Variants in EXOC4 observed in about 807,000 individuals in gnomAD.
EXOC4 encodes the protein exocyst complex component 4.
In EXOC4, 71 loss-of-function variants were observed where a neutral mutation model predicts 107.2. The observed-to-expected ratio is 0.66, with a 90% CI of 0.55 to 0.81. The LOEUF is 0.81. Among genes scored for constraint, EXOC4 ranks in the 30% least tolerant of loss-of-function variants. The pLI, the probability that EXOC4 is intolerant of heterozygous loss-of-function variation, is 0.00. For synonymous variants in EXOC4, 456 were observed against 441.2 expected (o/e 1.03, Z -0.42); for missense variants, 1,108 against 1,189.6 (o/e 0.93, Z 1.01).
chr7:133,833,361 A>AT (rs1471162884), intron 11 of EXOC4, among the ~76,000 whole-genome samples: 3 of 152,126 alleles, frequency 2.0e-5, no homozygotes, highest in African/African-American at 7.2e-5. Context: ...GCAACAAGTC[A>AT]TTTTTTTCTG....
chr7:133,507,827 C>T (rs775787219), intron 9 of EXOC4, among the ~76,000 whole-genome samples: 6 of 152,026 alleles, frequency 3.9e-5, no homozygotes, highest in Non-Finnish European at 7.4e-5. Flanking sequence ...TTTGGGAGGC[C>T]GAGGCAGGTG....
chr7:133,898,604 G>A (rs1055122953), intron 12 of EXOC4, among the ~76,000 whole-genome samples: 2 of 151,782 alleles, frequency 1.3e-5, no homozygotes, highest in African/African-American at 4.8e-5. Flanking sequence ...AAAATTAGCC[G>A]GGCGTGGTGG....
chr7:133,740,925 A>T (rs750213884), intron 10 of EXOC4, among the ~76,000 whole-genome samples: 1 of 152,296 alleles, frequency 6.6e-6, no homozygotes, highest in African/African-American at 2.4e-5. Context: ...TATAATAGCT[A>T]GAGTGGTTTC....
chr7:133,881,683 C>T (rs1798969664), intron 11 of EXOC4, among the ~76,000 whole-genome samples: 1 of 152,100 alleles, frequency 6.6e-6, no homozygotes. Context: ...AGAGAAGGTA[C>T]TTACTTATTT....
At chr7:133,304,332 A>G (rs1794705491) in intron 3 of EXOC4, among the ~76,000 whole-genome samples, 1 of 152,110 alleles carries the variant, frequency 6.6e-6, no homozygotes, top group South Asian at 2.1e-4. Flanking sequence ...TCATTTTGTG[A>G]GGCTGCCTTT....
At chr7:133,488,061 TTTA>T (rs1799303748) in intron 9 of EXOC4, among the ~76,000 whole-genome samples, 1 of 152,170 alleles carries the variant, frequency 6.6e-6, no homozygotes. Flanking sequence ...AAATAATGAA[TTTA>T]TTATTGTCCC....
chr7:133,562,433 G>GT lies in EXOC4; in HGVS notation c.1418-67610dup, dbSNP rs150413570. On this transcript the variant is annotated intron_variant, in intron 9 of 17. Coordinates refer to ENST00000253861, the MANE Select transcript of EXOC4 (RefSeq NM_021807.4). ...CTGACCTTGCCGCCTTTTGCTTCCG[G>GT]TTAGTGTGGTTCTCTCAATCCCATT... Among the ~76,000 whole-genome samples the GT allele has an allele frequency of 3.0e-3, 458 of 152,238 alleles. 16 individuals carry two copies. The East Asian group carries it at 0.077, about 26-fold the overall frequency.
chr7:133,830,498 T>C (rs1797787044), intron 11 of EXOC4, among the ~76,000 whole-genome samples: 1 of 152,194 alleles, frequency 6.6e-6, no homozygotes, highest in South Asian at 2.1e-4. Flanking sequence ...AAAATGAAAA[T>C]TGCCAACAGC....
At chr7:134,068,786 G>A (rs112022432), downstream of EXOC4, among the ~76,000 whole-genome samples, 4,562 of 152,206 alleles carry the variant, frequency 0.03, 196 homozygotes, top group African/African-American at 0.095. Context: ...AATAGCTTGG[G>A]AGGAAAAACT....
intron 2 of EXOC4, among the ~76,000 whole-genome samples, chr7:133,281,025 G>A (rs1396305963): frequency 6.6e-6 from 1 of 152,154 alleles, no homozygotes; most frequent in African/African-American, 2.4e-5. Flanking sequence ...GTTCAGGTGT[G>A]TGTGTATTTG....
rs1025909791 is a variant in EXOC4, at chr7:133,262,364, GT to G, written c.86+9190del. ...ATGACCTTGGTCCTTATAGTGGCCA[GT>G]TTTTTTTTTTTTATGTGCTAGGGGT... On this transcript the variant is annotated intron_variant, in intron 1 of 17. Coordinates refer to ENST00000253861, the MANE Select transcript of EXOC4 (RefSeq NM_021807.4). 7.4e-4 allele frequency among the ~76,000 whole-genome samples: 106 copies of G among 143,692 alleles called. 1 individual carries two copies. Among genetic ancestry groups the G allele is most frequent in the South Asian group, 1.3e-3 (6 of 4,490 alleles). The allele number at this position is 143,692 out of a possible 152,430, so 94.3% of individuals were successfully genotyped here.
intron 14 of EXOC4, among the ~76,000 whole-genome samples, chr7:133,955,065 C>A (rs1800782342): frequency 6.6e-6 from 1 of 152,216 alleles, no homozygotes; most frequent in Admixed American, 6.5e-5. Flanking sequence ...CTCTTCTCTC[C>A]TCTCTTCTGT....
intron 6 of EXOC4, 88 bp from the exon 7 acceptor site, chr7:133,374,740 T>G (rs1796449657): frequency 2.9e-6 from 3 of 1,035,362 alleles, no homozygotes; most frequent in East Asian, 4.8e-5. Flanking sequence ...AATGCTACTT[T>G]AGTTTGATGT....
intron 7 of EXOC4, among the ~76,000 whole-genome samples, chr7:133,445,885 G>A (rs546791070): frequency 2.6e-5 from 4 of 152,002 alleles, no homozygotes; most frequent in East Asian, 1.9e-4. Context: ...GCATGGTGGC[G>A]CATGCCTGCA....
chr7:133,845,071 G>C (rs2116213363), intron 11 of EXOC4, among the ~76,000 whole-genome samples: 2 of 152,206 alleles, frequency 1.3e-5, no homozygotes, highest in East Asian at 3.9e-4. Context: ...GGAACTTTGG[G>C]TTGTATTGCT....
rs960792287 is a variant in EXOC4 at position 133,289,182 on chromosome 7, T to G, written c.471+66T>G. On this transcript the variant is annotated intron_variant, in intron 3 of 17. Coordinates refer to ENST00000253861, the MANE Select transcript of EXOC4 (RefSeq NM_021807.4). ...TGTAAAAGCACTCTCTTTTATTCTC[T>G]CTGAATCCTGTAATGCATGTAGCAC... 19 of 1,418,168 alleles carry G rather than the reference T, an allele frequency of 1.3e-5. No homozygotes were observed. The South Asian group carries it at 2.2e-4, about 16-fold the overall frequency. The allele number at this position is 1,418,168 out of a possible 1,614,324, so 87.8% of individuals were successfully genotyped here.
At chr7:133,931,590 GAT>G (rs1800176915) in intron 13 of EXOC4, among the ~76,000 whole-genome samples, 2 of 152,178 alleles carry the variant, frequency 1.3e-5, no homozygotes, top group African/African-American at 4.8e-5. Context: ...AAAGTATAAT[GAT>G]AGAGAAATTT....
chr7:133,638,995 T>G lies in EXOC4; in HGVS notation c.1514+8854T>G, dbSNP rs994167403. ...CTGCTTTTTATGTATTCTGAACATG[T>G]GTTCGTCTTTTGGACTGCAGTACCC... On this transcript the variant is annotated intron_variant, in intron 10 of 17. Coordinates refer to ENST00000253861, the MANE Select transcript of EXOC4 (RefSeq NM_021807.4). 4.6e-5 allele frequency among the ~76,000 whole-genome samples: 7 copies of G among 152,342 alleles called. No individual in the cohort carries two copies. In the East Asian group the frequency reaches 1.2e-3, roughly 25 times the overall value.
intron 9 of EXOC4, among the ~76,000 whole-genome samples, chr7:133,585,458 A>G (rs1420762673): frequency 6.6e-6 from 1 of 152,118 alleles, no homozygotes; most frequent in Non-Finnish European, 1.5e-5. Flanking sequence ...AGTGAACAAA[A>G]TGAACAAGAA....
Sources: allele counts gnomAD v4.1 joint callset (sites outside exome capture counted in the v4.1 genomes callset), GRCh38; gene constraint gnomAD v4.1.1; transcripts MANE v1.5; gene names NCBI Gene and HGNC (gene_info 2026-07-23, HGNC 2026-07-21).